The following RAMP3 variants were observed in gnomAD, a reference collection of about 807,000 sequenced individuals.
RAMP3 encodes receptor activity modifying protein 3.
In RAMP3, 14 loss-of-function variants were observed where a neutral mutation model predicts 13.5. The observed-to-expected ratio is 1.04, with a 90% CI of 0.69 to 1.63. The LOEUF (loss-of-function observed/expected upper bound fraction) is 1.63, where lower values mean the gene tolerates loss of function less well. Among genes scored for constraint, RAMP3 ranks in the 40% most tolerant of loss-of-function variants. The probability of loss-of-function intolerance (pLI) is 0.00; values close to 1 mark genes in which losing one functional copy is unlikely to be tolerated. For synonymous variants in RAMP3, 106 were observed against 88.3 expected (o/e 1.20, Z -1.12); for missense variants, 200 against 204.8 (o/e 0.98, Z 0.14).
intron 1 of RAMP3, among the ~76,000 whole-genome samples, chr7:45,168,406 C>CAAAAA (rs71030854): frequency 0.16 from 11,343 of 70,128 alleles, 875 homozygotes; most frequent in African/African-American, 0.25. Flanking sequence ...ACTCTGTTTC[C>CAAAAA]AAAAAAAAAA....
chr7:45,160,622 A>AG (rs1785849593), intron 1 of RAMP3, among the ~76,000 whole-genome samples: 1 of 151,958 alleles, frequency 6.6e-6, no homozygotes, highest in South Asian at 2.1e-4. Flanking sequence ...TCTGTCAAGG[A>AG]GGGGGAGAGC....
intron 2 of RAMP3, among the ~76,000 whole-genome samples, chr7:45,179,937 A>G (rs1052836689): frequency 6.6e-6 from 1 of 152,236 alleles, no homozygotes; most frequent in African/African-American, 2.4e-5. Flanking sequence ...AGGCTCCCCC[A>G]CCGCAGCCCT....
In RAMP3 at chr7:45,184,052, T is replaced by A. The variant is rs952844519; in HGVS notation, c.*640T>A. ...TCATGATGCTGTGCCCGCTATGGGC[T>A]GTGTCCATGACCAGAGGCTGGAGTG... is the stretch of plus-strand genomic sequence containing the variant. On this transcript the variant is annotated 3_prime_UTR_variant, in exon 3 of 3. Transcript: ENST00000242249. The A allele has an allele frequency of 2.5e-6, 1 of 403,790 alleles. No homozygotes were observed. Among genetic ancestry groups the A allele is most frequent in the Non-Finnish European group, 4.4e-6 (1 of 228,962 alleles). The allele number at this position is 403,790 out of a possible 1,614,324, so 25.0% of individuals were successfully genotyped here.
At chr7:45,175,173 G>A (rs185717738) in intron 1 of RAMP3, among the ~76,000 whole-genome samples, 23 of 152,332 alleles carry the variant, frequency 1.5e-4, no homozygotes, top group East Asian at 3.9e-4. Context: ...ACAAGCGAAC[G>A]TGGGGGTCAG....
chr7:45,177,252 G>T (rs1562570816), intron 1 of RAMP3, 57 bp from the exon 2 acceptor site: 1 of 1,608,922 alleles, frequency 6.2e-7, no homozygotes, highest in East Asian at 2.2e-5. Flanking sequence ...GGCCTCCCCT[G>T]TCCTGGCATC....
chr7:45,176,195 G>C (rs1463661630), intron 1 of RAMP3, among the ~76,000 whole-genome samples: 1 of 152,142 alleles, frequency 6.6e-6, no homozygotes. Context: ...GGTTGAGCTG[G>C]TAACCAGTGA....
At chr7:45,173,742 T>C (rs1049537669) in intron 1 of RAMP3, among the ~76,000 whole-genome samples, 4 of 152,152 alleles carry the variant, frequency 2.6e-5, no homozygotes, top group African/African-American at 9.7e-5. Context: ...TCTGATAGTG[T>C]GGGGAGGACT....
At chr7:45,179,429 A>G (rs999030481) in intron 2 of RAMP3, among the ~76,000 whole-genome samples, 2 of 152,216 alleles carry the variant, frequency 1.3e-5, no homozygotes, top group African/African-American at 4.8e-5. Context: ...CAGAGACCAG[A>G]GAGATGGAAC....
intron 1 of RAMP3, among the ~76,000 whole-genome samples, chr7:45,170,689 A>G (rs1422652345): frequency 1.3e-5 from 2 of 152,086 alleles, no homozygotes; most frequent in African/African-American, 4.8e-5. Flanking sequence ...TGTGTCACCC[A>G]GGCTGGAGTG....
At chr7:45,165,003 C>A (rs1004345873) in intron 1 of RAMP3, among the ~76,000 whole-genome samples, 2 of 152,086 alleles carry the variant, frequency 1.3e-5, no homozygotes, top group Non-Finnish European at 2.9e-5. Flanking sequence ...ACCATCAATT[C>A]TTTTCCTCTC....
chr7:45,181,892 G>T (rs1483252710), intron 2 of RAMP3, among the ~76,000 whole-genome samples: 1 of 152,222 alleles, frequency 6.6e-6, no homozygotes, highest in Admixed American at 6.5e-5. Context: ...AGGCACAGGT[G>T]TGTGTCTGAC....
intron 2 of RAMP3, among the ~76,000 whole-genome samples, chr7:45,180,211 C>T (rs1016179459): frequency 9.2e-5 from 14 of 152,332 alleles, no homozygotes; most frequent in South Asian, 2.1e-4. Context: ...CCAGGGAGGG[C>T]GGTGCCCCAG....
chr7:45,158,076 G>T (rs1179241485), intron 1 of RAMP3, among the ~76,000 whole-genome samples, 190 bp downstream of exon 1: 1 of 152,256 alleles, frequency 6.6e-6, no homozygotes, highest in Non-Finnish European at 1.5e-5. Flanking sequence ...AGCTGAAGGC[G>T]AAGGACTCTG....
At chr7:45,160,610 T>C (rs1785848298) in intron 1 of RAMP3, among the ~76,000 whole-genome samples, 1 of 152,074 alleles carries the variant, frequency 6.6e-6, no homozygotes, top group Non-Finnish European at 1.5e-5. Flanking sequence ...GTCGATGCTC[T>C]TTCTGTCAAG....
intron 1 of RAMP3, among the ~76,000 whole-genome samples, chr7:45,173,240 T>A (rs540408108): frequency 6.5e-4 from 99 of 152,346 alleles, no homozygotes; most frequent in African/African-American, 2.4e-3. Context: ...TTCAGTTGTT[T>A]TCAGTAGAAA....
At position 45,183,611 on chromosome 7, in the gene RAMP3, C is replaced by T; in HGVS notation, c.*199C>T. On this transcript the variant is annotated 3_prime_UTR_variant, in exon 3 of 3. Coordinates refer to ENST00000242249, the MANE Select transcript of RAMP3 (RefSeq NM_005856.3). ...CTGGCTGAGGCTCAGGCTATCCGCC[C>T]AAGCTCTTTGCTCATTCTAGGGCCA... 1.4e-6 allele frequency: 1 copy of T among 720,006 alleles called. No homozygotes were observed. The highest frequency in any genetic ancestry group is 2.3e-6 in the Non-Finnish European group (1 of 442,726). The allele number at this position is 720,006 out of a possible 1,614,324, so 44.6% of individuals were successfully genotyped here. A position where few individuals can be genotyped will look rare whatever the true frequency, so the allele number is the denominator to read the frequency against.
At chr7:45,166,390 A>G (rs1785962187) in intron 1 of RAMP3, among the ~76,000 whole-genome samples, 1 of 152,028 alleles carries the variant, frequency 6.6e-6, no homozygotes, top group Admixed American at 6.5e-5. Flanking sequence ...TTGTGGTTTG[A>G]TTTGCATTTC....
intron 2 of RAMP3, among the ~76,000 whole-genome samples, chr7:45,181,111 C>G (rs543286842): frequency 6.6e-6 from 1 of 152,318 alleles, no homozygotes; most frequent in African/African-American, 2.4e-5. Context: ...CTCTCAACCA[C>G]CTGATAGGAT....
At chr7:45,172,465 C>T (rs1221429741) in intron 1 of RAMP3, among the ~76,000 whole-genome samples, 2 of 152,242 alleles carry the variant, frequency 1.3e-5, no homozygotes, top group South Asian at 2.1e-4. Flanking sequence ...GAAGTCTGTA[C>T]CCCCTTGTTG....
Sources: allele counts gnomAD v4.1 joint callset (sites outside exome capture counted in the v4.1 genomes callset), GRCh38; gene constraint gnomAD v4.1.1; transcripts MANE v1.5; gene names NCBI Gene and HGNC (gene_info 2026-07-23, HGNC 2026-07-21).